The following PIP4K2A variants were observed in gnomAD, a reference collection of about 807,000 sequenced individuals.
PIP4K2A encodes phosphatidylinositol 5-phosphate 4-kinase type-2 alpha.
In PIP4K2A, 14 loss-of-function variants were observed where a neutral mutation model predicts 42.9. The observed-to-expected ratio is 0.33, with a 90% CI of 0.22 to 0.51. The LOEUF (loss-of-function observed/expected upper bound fraction) is 0.51, where lower values mean the gene tolerates loss of function less well. PIP4K2A is among the 20% of genes least tolerant of loss of function. PIP4K2A has a pLI of 0.97. For missense variants in PIP4K2A, 434 were observed against 519.8 expected (o/e 0.83, Z 1.61); for synonymous variants, 192 against 192.2 (o/e 1.00, Z 0.01).
In PIP4K2A at chr10:22,541,853, G is replaced by A. The variant is rs368134635; in HGVS notation, c.987C>T (p.Pro329=). The A allele has an allele frequency of 6.4e-5, 102 of 1,599,196 alleles. No individual in the cohort carries two copies. The South Asian group carries it at 8.9e-4, about 14-fold the overall frequency. ...CGTCGATGTTCGGATCGAACTCCCC[G>A]GGAGCCAGGGGTGGTGAGCTGTTCA... ...NTLNSSPPLA[P]GEFDPNIDVY... The change falls in exon 8 of 10, where the codon CCC becomes CCT. Residue 329 remains proline (P), a synonymous_variant. Transcript: ENST00000376573.
At chr10:22,652,795 T>C (rs539216153) in intron 1 of PIP4K2A, among the ~76,000 whole-genome samples, 10 of 152,328 alleles carry the variant, frequency 6.6e-5, no homozygotes, top group Admixed American at 1.3e-4. Context: ...TCAATGCTGC[T>C]TGAAACGTTT....
chr10:22,550,853 C>A (rs1184539329), intron 6 of PIP4K2A, 81 bp from the exon 7 acceptor site: 2 of 840,180 alleles, frequency 2.4e-6, no homozygotes, highest in East Asian at 4.8e-5. Flanking sequence ...ACCCTGGACA[C>A]TGAAGTTTGC....
chr10:22,686,130 A>C (rs1345259141), intron 1 of PIP4K2A, among the ~76,000 whole-genome samples: 3 of 152,090 alleles, frequency 2.0e-5, no homozygotes, highest in African/African-American at 7.2e-5. Flanking sequence ...ATCACTGTGG[A>C]AAACAACTTG....
At chr10:22,596,542 C>A (rs922657380) in intron 3 of PIP4K2A, among the ~76,000 whole-genome samples, 20 of 152,202 alleles carry the variant, frequency 1.3e-4, no homozygotes, top group African/African-American at 4.8e-4. Context: ...TCTACTGACA[C>A]TGAATAAGAA....
At chr10:22,714,097 CGCA>C in intron 1 of PIP4K2A, 83 bp downstream of exon 1, 2 of 1,370,272 alleles carry the variant, frequency 1.5e-6, no homozygotes, top group Non-Finnish European at 2.0e-6. Context: ...CTCCCCGCCC[CGCA>C]GCAGCTGCAG....
intron 1 of PIP4K2A, among the ~76,000 whole-genome samples, chr10:22,666,376 A>C (rs183554579): frequency 5.2e-4 from 79 of 152,308 alleles, no homozygotes; most frequent in Middle Eastern, 3.4e-3. Context: ...CCTCATATAA[A>C]AGTCACGGGA....
chr10:22,585,472 T>A (rs935885606), intron 4 of PIP4K2A, among the ~76,000 whole-genome samples: 2 of 152,244 alleles, frequency 1.3e-5, no homozygotes, highest in Non-Finnish European at 2.9e-5. Context: ...ATTAAAATGC[T>A]GCATTTCAAA....
Position 22,658,332 on chromosome 10 carries a change from C to T in PIP4K2A, c.145-48615G>A, listed in dbSNP as rs572682995. ...CTTGGATAACAAGCAAGGTTATTACCGGAAAGAACTGAAATACTTTACAAA... is the reference window on the plus strand; with the variant it reads ...CTTGGATAACAAGCAAGGTTATTACTGGAAAGAACTGAAATACTTTACAAA... On this transcript the variant is annotated intron_variant, in intron 1 of 9. Transcript: ENST00000376573. Among the ~76,000 whole-genome samples the T allele has an allele frequency of 7.9e-5, 12 of 152,188 alleles. No homozygotes were observed. The East Asian group carries it at 1.7e-3, about 22-fold the overall frequency.
At chr10:22,540,502 A>C (rs1033828628) in intron 8 of PIP4K2A, among the ~76,000 whole-genome samples, 2 of 152,214 alleles carry the variant, frequency 1.3e-5, no homozygotes, top group Admixed American at 6.5e-5. Context: ...AGAACTGTTC[A>C]TAATTCTCAC....
intron 1 of PIP4K2A, among the ~76,000 whole-genome samples, chr10:22,627,349 C>T (rs1264856718): frequency 6.6e-6 from 1 of 151,856 alleles, no homozygotes; most frequent in African/African-American, 2.4e-5. Flanking sequence ...ACAGTCTCTC[C>T]CACCAAACCA....
At chr10:22,585,958 G>A (rs989772184) in intron 4 of PIP4K2A, among the ~76,000 whole-genome samples, 8 of 142,038 alleles carry the variant, frequency 5.6e-5, no homozygotes, top group African/African-American at 1.6e-4. Flanking sequence ...ATGAATTCAC[G>A]TCAGTGCGGG....
chr10:22,685,171 CTT>C (rs1839738439), intron 1 of PIP4K2A, among the ~76,000 whole-genome samples: 1 of 151,990 alleles, frequency 6.6e-6, no homozygotes, highest in Admixed American at 6.6e-5. Flanking sequence ...AGAAGTACAA[CTT>C]ATAATTACAC....
At position 22,613,688 on chromosome 10, in the gene PIP4K2A, G is replaced by C. The variant is rs545166585; in HGVS notation, c.145-3971C>G. 1.2e-3 allele frequency among the ~76,000 whole-genome samples: 179 copies of C among 152,280 alleles called. 2 individuals are homozygous for C. Among genetic ancestry groups the C allele is most frequent in the Non-Finnish European group, 9.3e-4 (63 of 68,020 alleles). On this transcript the variant is annotated intron_variant, in intron 1 of 9. Transcript: ENST00000376573. ...ATAGAGACAGGAGGCTGGGCTTCCG[G>C]GCAGAGCTGAGCGTCATCCACAGTT...
chr10:22,573,737 A>T (rs1837044530), intron 4 of PIP4K2A, among the ~76,000 whole-genome samples: 1 of 152,246 alleles, frequency 6.6e-6, no homozygotes, highest in East Asian at 1.9e-4. Flanking sequence ...CGTGTAAGGC[A>T]AGAGGACATG....
chr10:22,628,324 A>G (rs1046326693), intron 1 of PIP4K2A, among the ~76,000 whole-genome samples: 1 of 152,242 alleles, frequency 6.6e-6, no homozygotes, highest in Non-Finnish European at 1.5e-5. Flanking sequence ...TCAAACTTAT[A>G]AATGTTCATA....
At chr10:22,634,843 C>G (rs1838627495) in intron 1 of PIP4K2A, among the ~76,000 whole-genome samples, 1 of 152,106 alleles carries the variant, frequency 6.6e-6, no homozygotes, top group African/African-American at 2.4e-5. Flanking sequence ...AAAATGTCTC[C>G]CCTGTCAAGT....
chr10:22,664,275 A>T (rs2130843864), intron 1 of PIP4K2A, among the ~76,000 whole-genome samples: 1 of 143,408 alleles, frequency 7.0e-6, no homozygotes, highest in African/African-American at 2.6e-5. Flanking sequence ...ACACATACAC[A>T]CATACACGAA....
rs112193811 is a variant in PIP4K2A, at chr10:22,578,869, A to G, written c.493-5412T>C. 4.6e-5 allele frequency among the ~76,000 whole-genome samples: 7 copies of G among 152,288 alleles called. 1 individual carries two copies. The highest frequency in any genetic ancestry group is 1.7e-4 in the African/African-American group (7 of 41,562). ...GAATAAATGAATCCAGCAAATAATT[A>G]AAAAAACCCAAGATGTTTCCTACAG... is the stretch of plus-strand genomic sequence containing the variant. On this transcript the variant is annotated intron_variant, in intron 4 of 9. Transcript: ENST00000376573.
At chr10:22,554,066 G>T (rs757500516) in intron 6 of PIP4K2A, among the ~76,000 whole-genome samples, 5 of 152,010 alleles carry the variant, frequency 3.3e-5, no homozygotes, top group Middle Eastern at 3.4e-3. Context: ...GCTTGAGCCC[G>T]GGAGGTCAAA....
Sources: gnomAD v4.1 joint callset for allele counts (sites outside exome capture counted in the v4.1 genomes callset) on GRCh38, gnomAD v4.1.1 for gene constraint, MANE v1.5 for transcripts, NCBI Gene and HGNC (gene_info 2026-07-23, HGNC 2026-07-21) for gene names.